The following ELAPOR2 variants were observed in gnomAD, a reference collection of about 807,000 sequenced individuals.
ELAPOR2 encodes the protein endosome-lysosome associated apoptosis and autophagy regulator family member 2.
ELAPOR2 carries 89 observed loss-of-function variants against 120.7 expected under a neutral mutation model. That is an observed-to-expected ratio of 0.74 (90% CI 0.62 to 0.88). ELAPOR2 has a LOEUF of 0.88. Among genes scored for constraint, ELAPOR2 ranks in the 40% least tolerant of loss-of-function variants. ELAPOR2 has a pLI of 0.00. For synonymous variants in ELAPOR2, 444 were observed against 444.9 expected (o/e 1.00, Z 0.03); for missense variants, 1,134 against 1,251.6 (o/e 0.91, Z 1.42).
chr7:87,028,646 C>T (rs751149028), intron 1 of ELAPOR2, among the ~76,000 whole-genome samples: 2 of 152,144 alleles, frequency 1.3e-5, no homozygotes, highest in Admixed American at 1.3e-4. Flanking sequence ...TATCCTAACT[C>T]CTTTGTTGTT....
intron 20 of ELAPOR2, 58 bp from the exon 21 acceptor site, chr7:86,891,947 A>G: frequency 5.3e-6 from 6 of 1,138,432 alleles, no homozygotes; most frequent in Non-Finnish European, 7.3e-6. Flanking sequence ...ATATAAATAA[A>G]TACTTATTTT....
intron 1 of ELAPOR2, among the ~76,000 whole-genome samples, chr7:87,027,025 C>A (rs1262734027): frequency 6.6e-6 from 1 of 151,932 alleles, no homozygotes. Context: ...TTCTAATAAA[C>A]CTAATTTCTC....
chr7:87,011,379 A>T (rs1193821315), intron 1 of ELAPOR2, among the ~76,000 whole-genome samples: 1 of 152,150 alleles, frequency 6.6e-6, no homozygotes, highest in Non-Finnish European at 1.5e-5. Context: ...GACTGAATCC[A>T]TGTCTGTATA....
In ELAPOR2 at chr7:86,926,876, C is replaced by G; in HGVS notation, c.1130G>C (p.Arg377Pro). 2 of 1,568,264 alleles carry G rather than the reference C, an allele frequency of 1.3e-6. No homozygotes were observed. The highest frequency in any genetic ancestry group is 1.7e-6 in the Non-Finnish European group (2 of 1,159,116). Residue 377 changes from arginine (R) to proline (P), a missense_variant, in exon 9 of 22, where the codon CGG becomes CCG. Coordinates refer to ENST00000450689, the MANE Select transcript of ELAPOR2 (RefSeq NM_001142749.3). Reference sequence around the variant, plus strand: ...TCTAATAGCATCTGTGAGATCCTCCCGGCAGATTTTGGGCTCTATCCACTT... The same window carrying G: ...TCTAATAGCATCTGTGAGATCCTCCGGGCAGATTTTGGGCTCTATCCACTT... Reference protein sequence around the residue: ...MYKWIEPKICREDLTDAIRLP... With the variant: ...MYKWIEPKICPEDLTDAIRLP...
intron 15 of ELAPOR2, among the ~76,000 whole-genome samples, chr7:86,911,116 G>A (rs1420069997): frequency 6.6e-6 from 1 of 152,098 alleles, no homozygotes; most frequent in Non-Finnish European, 1.5e-5. Flanking sequence ...TAGTGCTAAT[G>A]TACAATAAGA....
chr7:86,885,945 C>G (rs1336560256), intron 21 of ELAPOR2, among the ~76,000 whole-genome samples: 1 of 152,104 alleles, frequency 6.6e-6, no homozygotes, highest in African/African-American at 2.4e-5. Context: ...CAGTAGGATA[C>G]CCCAGGAGTT....
At chr7:87,024,723 T>C (rs112040835) in intron 1 of ELAPOR2, among the ~76,000 whole-genome samples, 4 of 152,064 alleles carry the variant, frequency 2.6e-5, no homozygotes, top group African/African-American at 9.6e-5. Context: ...AAGCTATAAT[T>C]ATCACCGATC....
chr7:87,002,238 T>G (rs1793340658), intron 1 of ELAPOR2, among the ~76,000 whole-genome samples: 1 of 152,184 alleles, frequency 6.6e-6, no homozygotes, highest in Non-Finnish European at 1.5e-5. Context: ...ATTACACTTA[T>G]GCACAGTTAC....
At chr7:86,966,806 C>T (rs959847183) in intron 1 of ELAPOR2, among the ~76,000 whole-genome samples, 5 of 152,158 alleles carry the variant, frequency 3.3e-5, no homozygotes, top group African/African-American at 1.2e-4. Flanking sequence ...AGAGAATCCA[C>T]TCCTTGACCC....
At position 87,049,852 on chromosome 7, in the gene ELAPOR2, T is replaced by A. The variant is rs527698895; in HGVS notation, c.189+9473A>T. The stretch of plus-strand genomic sequence containing the variant: ...TATGTTAGAAACTTTATCCCAAATG[T>A]GGTGATGTTGGGAGGTGGGGCCTAA... On this transcript the variant is annotated intron_variant, in intron 1 of 21. Transcript: ENST00000450689. Among the ~76,000 whole-genome samples, 5 of 152,290 alleles carry A rather than the reference T, an allele frequency of 3.3e-5. No homozygotes were observed. The South Asian group carries it at 1.0e-3, about 32-fold the overall frequency.
intron 10 of ELAPOR2, among the ~76,000 whole-genome samples, chr7:86,921,424 T>C (rs923931313): frequency 6.6e-6 from 1 of 151,566 alleles, no homozygotes; most frequent in African/African-American, 2.4e-5. Flanking sequence ...CCTTTGAAGA[T>C]GGAGGCAGAG....
intron 2 of ELAPOR2, among the ~76,000 whole-genome samples, chr7:86,950,026 GC>G (rs2116400624): frequency 6.6e-6 from 1 of 152,308 alleles, no homozygotes; most frequent in South Asian, 2.1e-4. Context: ...ACTGCCCATG[GC>G]CGCCCATTGA....
At position 86,907,750 on chromosome 7, in the gene ELAPOR2, A is replaced by T; in HGVS notation, c.2478T>A (p.Ser826=). Residue 826 remains serine, a synonymous_variant, in exon 18 of 22, where the codon TCT becomes TCA. Coordinates refer to ENST00000450689, the MANE Select transcript of ELAPOR2 (RefSeq NM_001142749.3). ...FFYKSSTATT[S]CINGRSTAVK... is the part of the protein sequence containing the mutation. ...CAGCAGTTGATCGGCCATTAATACA[A>T]GATGTTGTTGCTGTAGAAGACCTAT... The T allele has an allele frequency of 6.4e-7, 1 of 1,571,458 alleles. No individual in the cohort carries two copies.
intron 1 of ELAPOR2, among the ~76,000 whole-genome samples, chr7:87,006,206 A>C (rs1257366409): frequency 6.6e-6 from 1 of 152,140 alleles, no homozygotes; most frequent in African/African-American, 2.4e-5. Flanking sequence ...AAACTTCCCA[A>C]AGAAAGATAT....
chr7:86,928,961 A>G (rs1790201998), intron 8 of ELAPOR2, among the ~76,000 whole-genome samples: 1 of 152,072 alleles, frequency 6.6e-6, no homozygotes, highest in African/African-American at 2.4e-5. Flanking sequence ...AATAATACTT[A>G]GAACCAGAGG....
In ELAPOR2 at chr7:86,891,840, A is replaced by G. The variant is rs372925826; in HGVS notation, c.2914T>C (p.Cys972Arg). 3.7e-6 allele frequency: 6 copies of G among 1,611,418 alleles called. No homozygotes were observed. In the African/African-American group the frequency reaches 5.3e-5, roughly 14 times the overall value. Residue 972 changes from cysteine (C) to arginine (R), a missense_variant, in exon 21 of 22, where the codon TGT becomes CGT. This residue lies in a region of ELAPOR2 where 831 missense variants were observed against 867.6 expected (regional missense o/e 0.96). Transcript: ENST00000450689. ...KLVMTTNSKE[C>R]ELPAADSCAI... ...CAACTGTCTGCAGCCGGGAGTTCACACTCTTTTGAGTTAGTCGTCATTACT... is the reference window on the plus strand; with the variant it reads ...CAACTGTCTGCAGCCGGGAGTTCACGCTCTTTTGAGTTAGTCGTCATTACT...
chr7:86,911,898 G>T (rs1398725085), intron 15 of ELAPOR2, 174 bp downstream of exon 15: 1 of 658,856 alleles, frequency 1.5e-6, no homozygotes, highest in African/African-American at 1.8e-5. Context: ...GGTTGCCCCT[G>T]GTGGAGAAAT....
intron 1 of ELAPOR2, among the ~76,000 whole-genome samples, chr7:87,059,124 C>T (rs1795353034): frequency 6.6e-6 from 1 of 152,074 alleles, no homozygotes; most frequent in Non-Finnish European, 1.5e-5. Context: ...AAAGCATCCC[C>T]CGAGAGACAG....
chr7:86,896,143 T>C (rs900847781), intron 19 of ELAPOR2, among the ~76,000 whole-genome samples: 1 of 152,112 alleles, frequency 6.6e-6, no homozygotes, highest in African/African-American at 2.4e-5. Flanking sequence ...TTTTGTGTTG[T>C]CTGCTTATTT....
Sources: gnomAD v4.1 joint callset for allele counts (sites outside exome capture counted in the v4.1 genomes callset) on GRCh38, gnomAD v4.1.1 for gene constraint, gnomAD v4.1.1 regional missense constraint, MANE v1.5 for transcripts, NCBI Gene and HGNC (gene_info 2026-07-23, HGNC 2026-07-21) for gene names.